The following GPR141 variants were observed in gnomAD, a reference collection of about 807,000 sequenced individuals.
GPR141 encodes probable G protein-coupled receptor 141.
GPR141 carries 6 observed loss-of-function variants against 6.8 expected under a neutral mutation model. The observed-to-expected ratio is 0.88, with a 90% CI of 0.48 to 1.74. The LOEUF is 1.74. GPR141 is among the 40% of genes most tolerant of loss of function. The pLI is 0.01. For synonymous variants in GPR141, 140 were observed against 142.3 expected (o/e 0.98, Z 0.11); for missense variants, 372 against 372.9 (o/e 1.00, Z 0.02).
At chr7:37,739,897 C>G (rs867849840) in intron 2 of GPR141, among the ~76,000 whole-genome samples, 1 of 151,970 alleles carries the variant, frequency 6.6e-6, no homozygotes, top group East Asian at 1.9e-4. Context: ...AATCAGTATT[C>G]TAAATGAATT....
At chr7:37,710,037 A>C (rs1810715815) in intron 2 of GPR141, among the ~76,000 whole-genome samples, 2 of 152,224 alleles carry the variant, frequency 1.3e-5, no homozygotes, top group African/African-American at 2.4e-5. Flanking sequence ...GAGTAAAACA[A>C]GAATGGGTTG....
At chr7:37,730,922 AG>A (rs1186046597) in intron 2 of GPR141, among the ~76,000 whole-genome samples, 2 of 152,232 alleles carry the variant, frequency 1.3e-5, no homozygotes, top group Non-Finnish European at 2.9e-5. Context: ...TTTTGTGAAA[AG>A]GCTCGAAATT....
At chr7:37,720,308 C>A (rs1266320257) in intron 2 of GPR141, among the ~76,000 whole-genome samples, 2 of 140,300 alleles carry the variant, frequency 1.4e-5, no homozygotes, top group Non-Finnish European at 3.2e-5. Context: ...ACCCTGGTGC[C>A]CATCAATGGC....
intron 2 of GPR141, among the ~76,000 whole-genome samples, chr7:37,728,505 G>A (rs1395265394): frequency 6.6e-6 from 1 of 152,126 alleles, no homozygotes; most frequent in Non-Finnish European, 1.5e-5. Flanking sequence ...TATAAATTGT[G>A]TAGGACTCTC....
At chr7:37,701,641 A>T (rs1272963654) in intron 2 of GPR141, among the ~76,000 whole-genome samples, 1 of 152,220 alleles carries the variant, frequency 6.6e-6, no homozygotes, top group Non-Finnish European at 1.5e-5. Context: ...CCTGCATTTT[A>T]TCTGTCAACC....
intron 2 of GPR141, among the ~76,000 whole-genome samples, chr7:37,701,535 TA>T (rs1328526065): frequency 1.3e-5 from 2 of 152,246 alleles, no homozygotes; most frequent in South Asian, 2.1e-4. Context: ...TAATGGTAAA[TA>T]TTTTTTTAGT....
At chr7:37,724,279 TA>T (rs1383515836) in intron 2 of GPR141, among the ~76,000 whole-genome samples, 8 of 152,040 alleles carry the variant, frequency 5.3e-5, no homozygotes, top group Non-Finnish European at 7.4e-5. Context: ...TGAAACTGCC[TA>T]AAAAATATAT....
At chr7:37,709,066 A>T (rs1321696636) in intron 2 of GPR141, among the ~76,000 whole-genome samples, 1 of 152,232 alleles carries the variant, frequency 6.6e-6, no homozygotes, top group Non-Finnish European at 1.5e-5. Context: ...TGTTTCTGTC[A>T]TTAGGCAACT....
Position 37,741,033 on chromosome 7 carries a change from T to C in GPR141, c.640T>C (p.Ser214Pro). The part of the protein sequence containing the change: ...IMLMVQKLRH[S>P]LLSHQEFWAQ... ...GTTGATGGTGCAGAAGCTACGCCACTCTTTACTATCCCACCAGGAGTTCTG... is the reference window on the plus strand; with the variant it reads ...GTTGATGGTGCAGAAGCTACGCCACCCTTTACTATCCCACCAGGAGTTCTG... The change falls in exon 3 of 3, where the codon TCT (serine) becomes CCT (proline). Residue 214 changes from serine to proline, a missense_variant. Ser to Pro is a moderately conservative substitution (Grantham distance 74). Coordinates refer to ENST00000334425, the MANE Select transcript of GPR141 (RefSeq NM_001381946.1). 6.2e-7 allele frequency: 1 copy of C among 1,614,180 alleles called. No homozygotes were observed. The highest frequency in any genetic ancestry group is 1.1e-5 in the South Asian group (1 of 91,088).
intron 2 of GPR141, among the ~76,000 whole-genome samples, chr7:37,711,082 C>T (rs556566822): frequency 2.0e-5 from 3 of 152,184 alleles, no homozygotes; most frequent in Non-Finnish European, 4.4e-5. Flanking sequence ...CGGGGGTCTA[C>T]TGAAATCATT....
intron 2 of GPR141, among the ~76,000 whole-genome samples, chr7:37,719,917 TG>T (rs1383162136): frequency 1.3e-5 from 2 of 151,888 alleles, no homozygotes; most frequent in Admixed American, 6.6e-5. Flanking sequence ...AAGGCAAGGA[TG>T]GGGGAGCCAG....
chr7:37,711,548 A>G (rs947487314), intron 2 of GPR141, among the ~76,000 whole-genome samples: 3 of 152,200 alleles, frequency 2.0e-5, no homozygotes, highest in Non-Finnish European at 2.9e-5. Context: ...TCAATTTTTC[A>G]TCATAGGTTC....
chr7:37,711,124 C>T (rs1188385268), intron 2 of GPR141, among the ~76,000 whole-genome samples: 1 of 152,188 alleles, frequency 6.6e-6, no homozygotes, highest in East Asian at 1.9e-4. Flanking sequence ...TAGAGAGATA[C>T]ACTAAGGCTG....
rs983989319 is a variant in GPR141 at position 37,743,559 on chromosome 7, AT to A, written c.*2251del. ...TAATACCTATAAATATGTAAAAAAA[AT>A]TTAGAAAAATATTTAAATTAAAAGT... On this transcript the variant is annotated 3_prime_UTR_variant, in exon 3 of 3. Coordinates refer to ENST00000334425, the MANE Select transcript of GPR141 (RefSeq NM_001381946.1). Among the ~76,000 whole-genome samples, 1 of 143,072 alleles carries A rather than the reference AT, an allele frequency of 7.0e-6. No homozygotes were observed. The highest frequency in any genetic ancestry group is 2.6e-5 in the African/African-American group (1 of 38,842). The allele number at this position is 143,072 out of a possible 152,430, so 93.9% of individuals were successfully genotyped here.
At chr7:37,712,913 T>C (rs999119280) in intron 2 of GPR141, among the ~76,000 whole-genome samples, 1 of 152,216 alleles carries the variant, frequency 6.6e-6, no homozygotes, top group Non-Finnish European at 1.5e-5. Flanking sequence ...AGCTGGGCTG[T>C]CCTGGATGAT....
At chr7:37,718,784 GATCACA>G (rs1811172936) in intron 2 of GPR141, among the ~76,000 whole-genome samples, 1 of 152,184 alleles carries the variant, frequency 6.6e-6, no homozygotes, top group South Asian at 2.1e-4. Flanking sequence ...GCTCTTCTGA[GATCACA>G]AGGGTGATAG....
In GPR141 at chr7:37,720,925, A is replaced by G. The variant is rs1446023559; in HGVS notation, c.-14-19455A>G. 2.0e-5 allele frequency among the ~76,000 whole-genome samples: 3 copies of G among 152,280 alleles called. No individual in the cohort carries two copies. The East Asian group carries it at 5.8e-4, about 29-fold the overall frequency. On this transcript the variant is annotated intron_variant, in intron 2 of 2. Transcript: ENST00000334425. Reference sequence around the variant, plus strand: ...TAGGCCTGTTTTAATTACTTCTCCAAGTCCTCTTCTAGTATTCTAATTAAC... The same window carrying G: ...TAGGCCTGTTTTAATTACTTCTCCAGGTCCTCTTCTAGTATTCTAATTAAC...
intron 1 of GPR141, among the ~76,000 whole-genome samples, chr7:37,684,775 T>A (rs750547241): frequency 4.6e-5 from 7 of 152,246 alleles, no homozygotes; most frequent in Non-Finnish European, 7.3e-5. Flanking sequence ...ATCTGAGAAA[T>A]TACTTATTAA....
intron 2 of GPR141, among the ~76,000 whole-genome samples, chr7:37,721,154 A>G (rs771434088): frequency 2.8e-4 from 42 of 148,772 alleles, no homozygotes; most frequent in Non-Finnish European, 8.9e-5. Context: ...TTTAGGCTTC[A>G]GAGTCAAACA....
Sources: gnomAD v4.1 joint callset for allele counts (sites outside exome capture counted in the v4.1 genomes callset) on GRCh38, gnomAD v4.1.1 for gene constraint, MANE v1.5 for transcripts, NCBI Gene and HGNC (gene_info 2026-07-23, HGNC 2026-07-21) for gene names.